Variants in ZMIZ1 observed in about 807,000 individuals in gnomAD.
ZMIZ1 encodes the protein zinc finger MIZ-type containing 1.
A neutral mutation model predicts 113.9 loss-of-function variants in ZMIZ1; 17 were observed. That is an observed-to-expected ratio of 0.15 (90% CI 0.10 to 0.22). The LOEUF is 0.22. Ranked by LOEUF, ZMIZ1 falls within the 10% of genes least tolerant of loss-of-function variation. ZMIZ1 has a pLI of 1.00. For missense variants in ZMIZ1, 1,059 were observed against 1,477.8 expected, an observed-to-expected ratio of 0.72 and a Z score of 4.65; for synonymous variants, 607 against 603.1, an observed-to-expected ratio of 1.01 and a Z score of -0.09.
intron 2 of ZMIZ1, among the ~76,000 whole-genome samples, chr10:79,130,753 AT>A (rs1844726589): frequency 6.6e-6 from 1 of 152,110 alleles, no homozygotes; most frequent in African/African-American, 2.4e-5. Flanking sequence ...GGGTAATAAT[AT>A]TCTGTCCTTC....
At chr10:79,186,487 G>A (rs1282337188) in intron 4 of ZMIZ1, among the ~76,000 whole-genome samples, 10 of 152,168 alleles carry the variant, frequency 6.6e-5, no homozygotes, top group African/African-American at 1.2e-4. Flanking sequence ...GATTTCCAGC[G>A]GGTCTTTCTT....
chr10:79,259,159 A>G (rs1271528684), intron 7 of ZMIZ1, among the ~76,000 whole-genome samples: 5 of 152,142 alleles, frequency 3.3e-5, no homozygotes, highest in African/African-American at 4.8e-5. Flanking sequence ...TGTCGAGCCA[A>G]ACTTCCCAAG....
chr10:79,246,110 C>G (rs534375337), intron 7 of ZMIZ1, among the ~76,000 whole-genome samples: 47 of 152,366 alleles, frequency 3.1e-4, no homozygotes, highest in African/African-American at 1.1e-3. Context: ...ACCAGCCAGG[C>G]ATTCCCATTT....
chr10:79,200,864 G>A (rs80022026), intron 4 of ZMIZ1, among the ~76,000 whole-genome samples: 4,461 of 151,306 alleles, frequency 0.029, 202 homozygotes, highest in African/African-American at 0.1. Flanking sequence ...ACTGAGGGTC[G>A]TCATATGGGA....
At chr10:79,185,116 G>C (rs1016942604) in intron 4 of ZMIZ1, among the ~76,000 whole-genome samples, 1 of 151,840 alleles carries the variant, frequency 6.6e-6, no homozygotes, top group East Asian at 1.9e-4. Flanking sequence ...GATAATTGTC[G>C]GGAGCATCCC....
Position 79,311,103 on chromosome 10 carries a change from C to T in ZMIZ1, c.3015C>T (p.Asp1005=). The change falls in exon 24 of 25, where the codon GAC becomes GAT. Residue 1005 remains aspartate (D), a synonymous_variant. Transcript: ENST00000334512. ...CTCCCAGCAGCCATCCACACAGCGACCTGACCTTTAACCCCTCCTCAGCCT... is the reference window on the plus strand; with the variant it reads ...CTCCCAGCAGCCATCCACACAGCGATCTGACCTTTAACCCCTCCTCAGCCT... The part of the protein sequence containing the change: ...QAAPSSHPHS[D]LTFNPSSALE... 1 of 1,613,798 alleles carries T rather than the reference C, an allele frequency of 6.2e-7. No individual in the cohort carries two copies. Among genetic ancestry groups the T allele is most frequent in the Non-Finnish European group, 8.5e-7 (1 of 1,180,044 alleles).
At chr10:79,173,194 A>G (rs1846678963) in intron 4 of ZMIZ1, among the ~76,000 whole-genome samples, 1 of 152,190 alleles carries the variant, frequency 6.6e-6, no homozygotes, top group Non-Finnish European at 1.5e-5. Flanking sequence ...AGCTTGTCCA[A>G]CCCGTGACCC....
intron 4 of ZMIZ1, among the ~76,000 whole-genome samples, chr10:79,163,281 G>A (rs923199531): frequency 1.3e-5 from 2 of 152,196 alleles, no homozygotes; most frequent in African/African-American, 2.4e-5. Context: ...GTCAAGCTCC[G>A]ACATTGGAGA....
intron 23 of ZMIZ1, among the ~76,000 whole-genome samples, chr10:79,310,608 G>T (rs1044297408): frequency 2.0e-5 from 3 of 152,064 alleles, no homozygotes; most frequent in Non-Finnish European, 2.9e-5. Context: ...TGTCTGGGCG[G>T]GGAGGTGGAG....
At chr10:79,105,313 T>G (rs1843516369) in intron 1 of ZMIZ1, among the ~76,000 whole-genome samples, 1 of 152,188 alleles carries the variant, frequency 6.6e-6, no homozygotes. Context: ...ATCTTGTGCT[T>G]AGGCAAGAGA....
chr10:79,093,933 C>T (rs987915655), intron 1 of ZMIZ1, among the ~76,000 whole-genome samples: 5 of 152,118 alleles, frequency 3.3e-5, no homozygotes, highest in African/African-American at 9.7e-5. Context: ...TCGAGCAAGT[C>T]GGTTTGACTT....
chr10:79,223,559 G>C (rs977839843), intron 7 of ZMIZ1, among the ~76,000 whole-genome samples: 5 of 152,270 alleles, frequency 3.3e-5, no homozygotes, highest in Admixed American at 3.3e-4. Context: ...CTCATGGTCA[G>C]ATCTGTTTAG....
chr10:79,263,410 TAG>T, intron 7 of ZMIZ1, among the ~76,000 whole-genome samples: 1 of 152,158 alleles, frequency 6.6e-6, no homozygotes, highest in East Asian at 1.9e-4. Context: ...GGTGAGATGG[TAG>T]AGTCTGGTCA....
intron 1 of ZMIZ1, among the ~76,000 whole-genome samples, chr10:79,098,309 A>C (rs1340188700): frequency 6.6e-6 from 1 of 152,186 alleles, no homozygotes; most frequent in Non-Finnish European, 1.5e-5. Context: ...AGAAGGCAGA[A>C]GCTGCCTGGA....
In ZMIZ1 at chr10:79,167,310, A is replaced by G. The variant is rs150049364; in HGVS notation, c.-50+5177A>G. Among the ~76,000 whole-genome samples, 5 of 152,316 alleles carry G rather than the reference A, an allele frequency of 3.3e-5. No homozygotes were observed. In the East Asian group the frequency reaches 7.7e-4, roughly 24 times the overall value. On this transcript the variant is annotated intron_variant, in intron 4 of 24. Transcript: ENST00000334512. The stretch of plus-strand genomic sequence containing the variant: ...GCAGATATTTTACATTCTTCATCAT[A>G]CTAAGTCTTTGAAATCCAGTCATTG...
chr10:79,278,387 T>C (rs1852439066), intron 8 of ZMIZ1, among the ~76,000 whole-genome samples: 2 of 151,474 alleles, frequency 1.3e-5, no homozygotes, highest in Admixed American at 1.3e-4. Flanking sequence ...CACAGGGTAG[T>C]TTTTCTTTTT....
At chr10:79,304,838 G>T (rs750728159) in intron 19 of ZMIZ1, among the ~76,000 whole-genome samples, 51 of 152,194 alleles carry the variant, frequency 3.4e-4, no homozygotes, top group Non-Finnish European at 6.9e-4. Context: ...GGCTGAAGGG[G>T]CTACCCCTGG....
At chr10:79,106,654 C>G (rs1843570201) in intron 1 of ZMIZ1, among the ~76,000 whole-genome samples, 1 of 152,238 alleles carries the variant, frequency 6.6e-6, no homozygotes, top group Non-Finnish European at 1.5e-5. Flanking sequence ...ATTGCAGGCC[C>G]TGGAGGGTCA....
At chr10:79,284,827 T>A (rs528496061) in intron 8 of ZMIZ1, among the ~76,000 whole-genome samples, 1 of 152,032 alleles carries the variant, frequency 6.6e-6, no homozygotes, top group South Asian at 2.1e-4. Context: ...AATATTAACC[T>A]CAAAAAGGGG....
Sources: allele counts gnomAD v4.1 joint callset (sites outside exome capture counted in the v4.1 genomes callset), GRCh38; gene constraint gnomAD v4.1.1; transcripts MANE v1.5; gene names NCBI Gene and HGNC (gene_info 2026-07-23, HGNC 2026-07-21).